Variants in PGAP1 observed in about 807,000 individuals in gnomAD.
The protein encoded by PGAP1 is GPI inositol-deacylase.
A neutral mutation model predicts 127.0 loss-of-function variants in PGAP1; 76 were observed. The ratio of observed to expected loss-of-function variants is 0.60; its 90% CI spans 0.50 to 0.72. The LOEUF (loss-of-function observed/expected upper bound fraction) is 0.72, where lower values mean the gene tolerates loss of function less well. Ranked by LOEUF, PGAP1 falls within the 30% of genes least tolerant of loss-of-function variation. The pLI is 0.00. For synonymous variants in PGAP1, 362 were observed against 366.5 expected, an observed-to-expected ratio of 0.99 and a Z score of 0.14; for missense variants, 982 against 1,071.3, an observed-to-expected ratio of 0.92 and a Z score of 1.16.
chr2:196,905,726 G>A (rs1426027675), intron 4 of PGAP1, among the ~76,000 whole-genome samples: 16 of 149,102 alleles, frequency 1.1e-4, no homozygotes, highest in Admixed American at 8.0e-4. Flanking sequence ...GACAGTGGGC[G>A]CAGGCCAGTG....
In PGAP1 at chr2:196,926,612, A is replaced by C; in HGVS notation, c.5T>G (p.Phe2Cys). MFLHSVNLWNLA... is the reference protein window; with the variant it reads MCLHSVNLWNLA... Reference sequence around the variant, plus strand: ...GTTCCAGAGATTAACTGAGTGAAGAAACATGGTGCCGCCACCACCGCCGCC... The same window carrying C: ...GTTCCAGAGATTAACTGAGTGAAGACACATGGTGCCGCCACCACCGCCGCC... Residue 2 changes from phenylalanine (F) to cysteine (C), a missense_variant, in exon 1 of 27, where the codon TTT becomes TGT. Coordinates refer to ENST00000354764, the MANE Select transcript of PGAP1 (RefSeq NM_024989.4). 6.2e-7 allele frequency: 1 copy of C among 1,614,050 alleles called. No individual in the cohort carries two copies. The highest frequency in any genetic ancestry group is 8.5e-7 in the Non-Finnish European group (1 of 1,179,946).
Position 196,873,513 on chromosome 2 carries a change from A to G in PGAP1, c.1552+15T>C, listed in dbSNP as rs754610919. 1.3e-6 allele frequency: 2 copies of G among 1,589,986 alleles called. No individual in the cohort carries two copies. The highest frequency in any genetic ancestry group is 2.3e-5 in the East Asian group (1 of 44,292). On this transcript the variant is annotated intron_variant, in intron 16 of 26. Transcript: ENST00000354764. ...CAATATTATTTTCTATACATTTTTT[A>G]GAAAACATATTTACCTTTGACTGCT...
intron 20 of PGAP1, among the ~76,000 whole-genome samples, chr2:196,858,708 G>A (rs917254322): frequency 1.6e-4 from 24 of 151,418 alleles, no homozygotes; most frequent in Non-Finnish European, 3.5e-4. Flanking sequence ...AATTGAGACT[G>A]AAAAAAATAC....
At chr2:196,867,619 T>C (rs1006074755) in intron 19 of PGAP1, among the ~76,000 whole-genome samples, 15 of 152,176 alleles carry the variant, frequency 9.9e-5, no homozygotes, top group Admixed American at 4.6e-4. Context: ...GAACTTAAAG[T>C]ATAATTTTTA....
chr2:196,872,813 T>C (rs1701450548), intron 17 of PGAP1, 147 bp downstream of exon 17: 2 of 566,526 alleles, frequency 3.5e-6, no homozygotes, highest in Admixed American at 3.6e-5. Flanking sequence ...GAATACTATA[T>C]ATTAAATTAT....
intron 26 of PGAP1, 88 bp from the exon 27 acceptor site, chr2:196,841,460 A>G: frequency 1.1e-6 from 1 of 942,012 alleles, no homozygotes; most frequent in Non-Finnish European, 1.6e-6. Flanking sequence ...TTTTGGAAAG[A>G]TAAATATTCT....
chr2:196,859,560 A>G (rs969915731), intron 20 of PGAP1, among the ~76,000 whole-genome samples: 1 of 152,140 alleles, frequency 6.6e-6, no homozygotes, highest in Non-Finnish European at 1.5e-5. Flanking sequence ...ATAATACAAC[A>G]AAAAAAGAAA....
intron 26 of PGAP1, 43 bp from the exon 27 acceptor site, chr2:196,841,415 A>G: frequency 6.9e-7 from 1 of 1,445,412 alleles, no homozygotes; most frequent in Non-Finnish European, 9.5e-7. Context: ...TGTGAACTAC[A>G]TTGTGAGCCA....
At chr2:196,861,544 A>G (rs1414658270) in intron 20 of PGAP1, among the ~76,000 whole-genome samples, 2 of 152,214 alleles carry the variant, frequency 1.3e-5, no homozygotes, top group Admixed American at 6.5e-5. Flanking sequence ...CAGAAGAAAT[A>G]CCAATGGATG....
At chr2:196,849,715 T>G (rs1453604192) in intron 20 of PGAP1, among the ~76,000 whole-genome samples, 1 of 152,212 alleles carries the variant, frequency 6.6e-6, no homozygotes, top group Non-Finnish European at 1.5e-5. Context: ...TGAAGGGCAC[T>G]AAGTAGCTGT....
chr2:196,919,644 T>C (rs982291304), intron 2 of PGAP1, among the ~76,000 whole-genome samples: 3 of 152,198 alleles, frequency 2.0e-5, no homozygotes, highest in African/African-American at 7.2e-5. Context: ...ACTGATTTAC[T>C]TCCCTAATCA....
intron 10 of PGAP1, among the ~76,000 whole-genome samples, chr2:196,887,626 G>C (rs886121319): frequency 1.6e-4 from 24 of 152,170 alleles, no homozygotes; most frequent in Admixed American, 5.2e-4. Context: ...TACTTATAAA[G>C]TCCATTCTAT....
In PGAP1 at chr2:196,920,063, T is replaced by C; in HGVS notation, c.235A>G (p.Lys79Glu). Residue 79 changes from lysine (K) to glutamate (E), a missense_variant, in exon 2 of 27, where the codon AAA (lysine) becomes GAA (glutamate). Lys to Glu is a moderately conservative substitution (Grantham distance 56). Transcript: ENST00000354764. Reference protein sequence around the residue: ...YGEGSYAEEHKILPLTGIPVL... With the variant: ...YGEGSYAEEHEILPLTGIPVL... ...GGAATACCCGTCAAAGGGAGAATTT[T>C]GTGTTCTTCAGCATAGGATCCCTCT... The C allele has an allele frequency of 6.2e-7, 1 of 1,613,570 alleles. No individual in the cohort carries two copies. The highest frequency in any genetic ancestry group is 8.5e-7 in the Non-Finnish European group (1 of 1,179,630).
intron 5 of PGAP1, among the ~76,000 whole-genome samples, chr2:196,899,680 A>C (rs1474069319): frequency 6.6e-6 from 1 of 152,258 alleles, no homozygotes; most frequent in African/African-American, 2.4e-5. Context: ...AATGTCTACC[A>C]AAATCTATTC....
At chr2:196,872,016 A>C (rs1701424789) in intron 18 of PGAP1, among the ~76,000 whole-genome samples, 1 of 151,830 alleles carries the variant, frequency 6.6e-6, no homozygotes, top group African/African-American at 2.4e-5. Flanking sequence ...AATGACTAGC[A>C]GAGCTTAAAA....
At chr2:196,891,850 C>A (rs1383927372) in intron 9 of PGAP1, among the ~76,000 whole-genome samples, 2 of 151,902 alleles carry the variant, frequency 1.3e-5, no homozygotes, top group Non-Finnish European at 2.9e-5. Context: ...GAGAGAAAGT[C>A]TAGCAAAAAC....
At chr2:196,856,946 T>C (rs998917883) in intron 20 of PGAP1, among the ~76,000 whole-genome samples, 1 of 152,242 alleles carries the variant, frequency 6.6e-6, no homozygotes, top group East Asian at 1.9e-4. Flanking sequence ...GTAATTCTCA[T>C]TGTGGAGATC....
At position 196,893,229 on chromosome 2, in the gene PGAP1, T is replaced by C; in HGVS notation, c.944A>G (p.Lys315Arg). The stretch of plus-strand genomic sequence containing the variant: ...GTGATACAAAACTGACAGTTTCTTC[T>C]TGGAATTTTGAGTTATCTAGAAAGA... ...ADTKQITQNSKKKLSVLYHHF... is the reference protein window; with the variant it reads ...ADTKQITQNSRKKLSVLYHHF... Residue 315 changes from lysine (K) to arginine (R), a missense_variant, in exon 8 of 27, where the codon AAG (lysine) becomes AGG (arginine). Transcript: ENST00000354764. 1 of 1,580,728 alleles carries C rather than the reference T, an allele frequency of 6.3e-7. No individual in the cohort carries two copies. Among genetic ancestry groups the C allele is most frequent in the Non-Finnish European group, 8.7e-7 (1 of 1,152,532 alleles).
Position 196,926,595 on chromosome 2 carries a change from G to T in PGAP1, c.22C>A (p.Leu8Ile), listed in dbSNP as rs546617176. Residue 8 changes from leucine to isoleucine, a missense_variant, in exon 1 of 27, where the codon CTC becomes ATC. By Grantham distance (5) the Leu-to-Ile change is conservative. Coordinates refer to ENST00000354764, the MANE Select transcript of PGAP1 (RefSeq NM_024989.4). ...AAGACATAAAACGCCAGGTTCCAGA[G>T]ATTAACTGAGTGAAGAAACATGGTG... MFLHSVN[L>I]WNLAFYVFMV... 4 of 1,614,224 alleles carry T rather than the reference G, an allele frequency of 2.5e-6. No homozygotes were observed. The highest frequency in any genetic ancestry group is 3.4e-6 in the Non-Finnish European group (4 of 1,180,030).
Sources: gnomAD v4.1 joint callset for allele counts (sites outside exome capture counted in the v4.1 genomes callset) on GRCh38, gnomAD v4.1.1 for gene constraint, MANE v1.5 for transcripts, NCBI Gene and HGNC (gene_info 2026-07-23, HGNC 2026-07-21) for gene names.